The following COL14A1 variants were observed in gnomAD, a reference collection of about 807,000 sequenced individuals.
COL14A1 encodes collagen alpha-1(XIV) chain.
Under a neutral mutation model 230.3 loss-of-function variants are expected in COL14A1, and 136 were observed. That is an observed-to-expected ratio of 0.59 (90% CI 0.51 to 0.68). The LOEUF (loss-of-function observed/expected upper bound fraction) is 0.68, where lower values mean the gene tolerates loss of function less well. COL14A1 is among the 30% of genes least tolerant of loss of function. The pLI, the probability that COL14A1 is intolerant of heterozygous loss-of-function variation, is 0.00. For synonymous variants in COL14A1, 792 were observed against 784.1 expected, an observed-to-expected ratio of 1.01 and a Z score of -0.17; for missense variants, 1,976 against 2,215.8, an observed-to-expected ratio of 0.89 and a Z score of 2.17.
At chr8:120,228,669 A>C in intron 17 of COL14A1, 41 bp from the exon 18 acceptor site, 2 of 1,487,700 alleles carry the variant, frequency 1.3e-6, no homozygotes, top group Non-Finnish European at 1.9e-6. Flanking sequence ...AAAAATGGAC[A>C]GTTGTTTTTG....
intron 1 of COL14A1, among the ~76,000 whole-genome samples, chr8:120,146,742 C>G (rs913735268): frequency 6.6e-6 from 1 of 151,984 alleles, no homozygotes; most frequent in African/African-American, 2.4e-5. Flanking sequence ...GCACCGTTAT[C>G]TGATCCATTA....
chr8:120,337,824 G>C (rs934359674), intron 42 of COL14A1, among the ~76,000 whole-genome samples: 1 of 152,100 alleles, frequency 6.6e-6, no homozygotes, highest in African/African-American at 2.4e-5. Context: ...GTTTTACTTT[G>C]TAAAAATCAA....
chr8:120,219,216 A>T (rs1239288119), intron 14 of COL14A1, among the ~76,000 whole-genome samples: 2 of 152,074 alleles, frequency 1.3e-5, no homozygotes, highest in African/African-American at 4.8e-5. Flanking sequence ...TTGCAGGCTC[A>T]GGTGATCCTC....
chr8:120,184,750 T>C (rs1160912177), intron 5 of COL14A1, among the ~76,000 whole-genome samples: 1 of 152,124 alleles, frequency 6.6e-6, no homozygotes, highest in African/African-American at 2.4e-5. Flanking sequence ...AGCCAGTGTT[T>C]TAGTTCAAGT....
chr8:120,154,815 G>A (rs146217981), intron 2 of COL14A1, among the ~76,000 whole-genome samples: 2 of 152,254 alleles, frequency 1.3e-5, no homozygotes, highest in African/African-American at 4.8e-5. Context: ...CTTTGTGCTT[G>A]CAAACAGAAA....
At chr8:120,369,520 G>C in intron 47 of COL14A1, 35 bp downstream of exon 47, 1 of 1,504,120 alleles carries the variant, frequency 6.6e-7, no homozygotes, top group Non-Finnish European at 8.9e-7. Context: ...TGTGGGCTTT[G>C]ATCAATGTTT....
intron 40 of COL14A1, among the ~76,000 whole-genome samples, chr8:120,320,786 T>C (rs1029508803): frequency 6.6e-6 from 1 of 152,180 alleles, no homozygotes; most frequent in Non-Finnish European, 1.5e-5. Flanking sequence ...ACAGTGATGA[T>C]GGTATATGCA....
chr8:120,247,760 T>C (rs765707082), intron 21 of COL14A1, 25 bp downstream of exon 21: 169 of 1,610,952 alleles, frequency 1.0e-4, no homozygotes, highest in Non-Finnish European at 1.4e-4. Flanking sequence ...GTAAATAATG[T>C]TGATACCATG....
chr8:120,198,194 G>C (rs181655443), intron 7 of COL14A1, among the ~76,000 whole-genome samples: 110 of 152,242 alleles, frequency 7.2e-4, no homozygotes, highest in African/African-American at 2.6e-3. Flanking sequence ...GAGTGGAGTA[G>C]CTGTCTAACT....
At chr8:120,152,126 A>C (rs1373566526) in intron 2 of COL14A1, among the ~76,000 whole-genome samples, 1 of 152,132 alleles carries the variant, frequency 6.6e-6, no homozygotes, top group Non-Finnish European at 1.5e-5. Flanking sequence ...TAAGCCACTA[A>C]GATTTTGAAA....
At position 120,296,339 on chromosome 8, in the gene COL14A1, T is replaced by C. The variant is rs144417895; in HGVS notation, c.4237-1172T>C. ...AATGTTTGCAATAAGGCATAATTAC[T>C]TGAGTATAATGACAGAAAGCCCGAT... On this transcript the variant is annotated intron_variant, in intron 34 of 47. Coordinates refer to ENST00000297848, the MANE Select transcript of COL14A1 (RefSeq NM_021110.4). Among the ~76,000 whole-genome samples, 961 of 152,096 alleles carry C rather than the reference T, an allele frequency of 6.3e-3. 10 individuals are homozygous for C. Among genetic ancestry groups the C allele is most frequent in the African/African-American group, 0.022 (904 of 41,556 alleles).
At chr8:120,131,523 G>A (rs182969634) in intron 1 of COL14A1, among the ~76,000 whole-genome samples, 11 of 152,012 alleles carry the variant, frequency 7.2e-5, no homozygotes, top group South Asian at 2.1e-4. Context: ...AGAAATATCC[G>A]CTCATGCCCT....
chr8:120,185,294 C>G (rs1184155187), intron 5 of COL14A1, among the ~76,000 whole-genome samples: 4 of 152,154 alleles, frequency 2.6e-5, no homozygotes, highest in African/African-American at 9.7e-5. Flanking sequence ...TCTGTGAGGA[C>G]AACTTCCATG....
At chr8:120,329,573 C>G (rs1821799340) in intron 40 of COL14A1, among the ~76,000 whole-genome samples, 1 of 152,090 alleles carries the variant, frequency 6.6e-6, no homozygotes, top group South Asian at 2.1e-4. Flanking sequence ...TGCCACTGCA[C>G]TCCAGCCTGG....
intron 40 of COL14A1, among the ~76,000 whole-genome samples, chr8:120,319,068 A>T (rs1017818630): frequency 1.3e-5 from 2 of 152,050 alleles, no homozygotes; most frequent in African/African-American, 4.8e-5. Flanking sequence ...GGAGTACATG[A>T]GTGTGGTGTG....
intron 1 of COL14A1, among the ~76,000 whole-genome samples, chr8:120,145,000 G>A (rs189868155): frequency 3.2e-3 from 492 of 151,926 alleles, no homozygotes; most frequent in Non-Finnish European, 5.4e-3. Context: ...AAACAAACTG[G>A]AAAAATACTA....
chr8:120,242,158 A>G (rs895244325), intron 19 of COL14A1, among the ~76,000 whole-genome samples: 3 of 152,212 alleles, frequency 2.0e-5, no homozygotes, highest in Non-Finnish European at 2.9e-5. Context: ...TTATACATCT[A>G]CAAATATTCC....
intron 19 of COL14A1, among the ~76,000 whole-genome samples, chr8:120,242,552 TTGG>T (rs781276453): frequency 3.4e-4 from 52 of 152,110 alleles, no homozygotes; most frequent in Non-Finnish European, 5.1e-4. Flanking sequence ...GGAAGCTATG[TTGG>T]TGGAGTAATG....
chr8:120,144,020 T>A (rs1815005691), intron 1 of COL14A1, among the ~76,000 whole-genome samples: 1 of 152,136 alleles, frequency 6.6e-6, no homozygotes, highest in South Asian at 2.1e-4. Flanking sequence ...ATTAGGTAAC[T>A]TCAATTGATG....
Sources: allele counts gnomAD v4.1 joint callset (sites outside exome capture counted in the v4.1 genomes callset), GRCh38; gene constraint gnomAD v4.1.1; transcripts MANE v1.5; gene names NCBI Gene and HGNC (gene_info 2026-07-23, HGNC 2026-07-21).